PRKCA: variants seen among roughly 807,000 people sequenced by gnomAD.
PRKCA encodes the protein protein kinase C alpha, also known as protein kinase C alpha type.
Under a neutral mutation model 87.0 loss-of-function variants are expected in PRKCA, and 27 were observed. The ratio of observed to expected loss-of-function variants is 0.31; its 90% CI spans 0.23 to 0.43. PRKCA has a LOEUF of 0.43. PRKCA is among the 20% of genes least tolerant of loss of function. The pLI is 1.00. For missense variants in PRKCA, 518 were observed against 852.3 expected, an observed-to-expected ratio of 0.61 and a Z score of 4.88; for synonymous variants, 329 against 311.1, an observed-to-expected ratio of 1.06 and a Z score of -0.61.
At chr17:66,594,620 T>TA (rs397837843) in intron 3 of PRKCA, among the ~76,000 whole-genome samples, 182 of 152,124 alleles carry the variant, frequency 1.2e-3, no homozygotes, top group African/African-American at 4.2e-3. Flanking sequence ...GGTTTTTTTT[T>TA]AATTTATTTG....
chr17:66,667,313 C>G (rs1055305170), intron 5 of PRKCA, among the ~76,000 whole-genome samples: 4 of 152,156 alleles, frequency 2.6e-5, no homozygotes, highest in Non-Finnish European at 5.9e-5. Context: ...CGTTCTTACA[C>G]TGCTAATAAA....
rs1974179718 is a variant in PRKCA at position 66,742,512 on chromosome 17, A to G, written c.1386-110A>G. On this transcript the variant is annotated intron_variant, in intron 12 of 16. Coordinates refer to ENST00000413366, the MANE Select transcript of PRKCA (RefSeq NM_002737.3). ...ACTACAGTCCAGGGACTTATAGTTAATATTGCCATTGAGCTGACAGGTATT... is the reference window on the plus strand; with the variant it reads ...ACTACAGTCCAGGGACTTATAGTTAGTATTGCCATTGAGCTGACAGGTATT... 7 of 1,131,444 alleles carry G rather than the reference A, an allele frequency of 6.2e-6. No homozygotes were observed. The South Asian group carries it at 1.0e-4, about 16-fold the overall frequency. The allele number at this position is 1,131,444 out of a possible 1,614,324, so 70.1% of individuals were successfully genotyped here.
chr17:66,304,840 C>T (rs1297080760), intron 1 of PRKCA, among the ~76,000 whole-genome samples: 3 of 148,570 alleles, frequency 2.0e-5, no homozygotes, highest in Non-Finnish European at 4.4e-5. Flanking sequence ...ATAAAAATTT[C>T]GGAGCATCAG....
chr17:66,746,660 C>T (rs975167312), intron 13 of PRKCA, among the ~76,000 whole-genome samples: 6 of 152,138 alleles, frequency 3.9e-5, no homozygotes, highest in South Asian at 2.1e-4. Flanking sequence ...GCAGCGAAGC[C>T]GAGCTGAGGC....
intron 3 of PRKCA, among the ~76,000 whole-genome samples, chr17:66,507,244 C>T (rs967701453): frequency 7.9e-5 from 12 of 152,168 alleles, no homozygotes; most frequent in African/African-American, 2.9e-4. Context: ...CATAAATGCA[C>T]TAGGTATGCA....
chr17:66,475,542 C>T (rs1915502500), intron 2 of PRKCA, among the ~76,000 whole-genome samples: 2 of 152,120 alleles, frequency 1.3e-5, no homozygotes, highest in South Asian at 4.1e-4. Context: ...TGTGTACTGT[C>T]TTTCCCAGCT....
chr17:66,541,016 T>TCCC (rs1368648809), intron 3 of PRKCA, among the ~76,000 whole-genome samples: 1 of 152,160 alleles, frequency 6.6e-6, no homozygotes, highest in East Asian at 1.9e-4. Flanking sequence ...GAAGTGGCTG[T>TCCC]TACTAGCTGT....
At chr17:66,527,192 C>T (rs1009360761) in intron 3 of PRKCA, among the ~76,000 whole-genome samples, 32 of 152,160 alleles carry the variant, frequency 2.1e-4, no homozygotes, top group East Asian at 1.9e-4. Flanking sequence ...CTATAATCTC[C>T]GCCTCTCTAC....
intron 3 of PRKCA, among the ~76,000 whole-genome samples, chr17:66,572,619 C>T (rs1421591319): frequency 6.6e-6 from 1 of 152,194 alleles, no homozygotes; most frequent in Non-Finnish European, 1.5e-5. Flanking sequence ...CCCACCTCAG[C>T]CTCCCAACTA....
rs547406865 is a variant in PRKCA, at chr17:66,422,891, G to A, written c.206-73310G>A. On this transcript the variant is annotated intron_variant, in intron 2 of 16. Coordinates refer to ENST00000413366, the MANE Select transcript of PRKCA (RefSeq NM_002737.3). ...TTTGGGAGGCTGAGGCAGGTGGATC[G>A]CCTGAGGTCAGGAGTTCGAGACCAG... Among the ~76,000 whole-genome samples the A allele has an allele frequency of 2.2e-3, 342 of 152,084 alleles. 1 individual carries two copies. The highest frequency in any genetic ancestry group is 7.8e-3 in the African/African-American group (323 of 41,514).
intron 13 of PRKCA, among the ~76,000 whole-genome samples, chr17:66,765,418 CTA>C (rs58356468): frequency 0.06 from 2,968 of 49,230 alleles, 65 homozygotes; most frequent in East Asian, 0.11. Flanking sequence ...AAGACTTTGT[CTA>C]TATATATATA....
chr17:66,651,695 A>G (rs1971594195), intron 5 of PRKCA, among the ~76,000 whole-genome samples: 1 of 152,158 alleles, frequency 6.6e-6, no homozygotes, highest in Non-Finnish European at 1.5e-5. Flanking sequence ...GATGCAGCAG[A>G]TGTATCTGCT....
chr17:66,718,813 G>A (rs1973540012), intron 8 of PRKCA, among the ~76,000 whole-genome samples: 1 of 152,210 alleles, frequency 6.6e-6, no homozygotes, highest in South Asian at 2.1e-4. Flanking sequence ...TGGAAGAAAA[G>A]ATGTGTTTTT....
intron 3 of PRKCA, among the ~76,000 whole-genome samples, chr17:66,511,110 C>T (rs1315977956): frequency 6.6e-6 from 1 of 152,122 alleles, no homozygotes; most frequent in African/African-American, 2.4e-5. Context: ...TTTAGGAAAG[C>T]AGTACGCCTA....
chr17:66,567,014 T>C (rs937646768), intron 3 of PRKCA, among the ~76,000 whole-genome samples: 2 of 152,176 alleles, frequency 1.3e-5, no homozygotes, highest in African/African-American at 2.4e-5. Flanking sequence ...GAAAATACAA[T>C]TGTCACATTA....
intron 5 of PRKCA, among the ~76,000 whole-genome samples, chr17:66,649,775 G>C (rs1200763480): frequency 2.0e-5 from 3 of 152,156 alleles, no homozygotes; most frequent in Non-Finnish European, 4.4e-5. Flanking sequence ...AGTAACACAA[G>C]AAGAGAACAA....
Position 66,510,340 on chromosome 17 carries a change from T to A in PRKCA, c.288+14057T>A, listed in dbSNP as rs1226036977. 3.3e-5 allele frequency among the ~76,000 whole-genome samples: 5 copies of A among 152,200 alleles called. No homozygotes were observed. The East Asian group carries it at 9.6e-4, about 29-fold the overall frequency. On this transcript the variant is annotated intron_variant, in intron 3 of 16. Transcript: ENST00000413366. Reference sequence around the variant, plus strand: ...GCTTGAAGTTTAAGCCTAACGAAATTATGCAAGATGCCCACTGAACTGTGC... The same window carrying A: ...GCTTGAAGTTTAAGCCTAACGAAATAATGCAAGATGCCCACTGAACTGTGC...
intron 5 of PRKCA, among the ~76,000 whole-genome samples, chr17:66,648,352 A>G (rs1246354371): frequency 6.6e-6 from 1 of 152,254 alleles, no homozygotes; most frequent in African/African-American, 2.4e-5. Context: ...CTTCCTCCAC[A>G]GGACCGCTTT....
chr17:66,718,997 G>A (rs1973546458), intron 8 of PRKCA, among the ~76,000 whole-genome samples: 1 of 152,160 alleles, frequency 6.6e-6, no homozygotes, highest in South Asian at 2.1e-4. Flanking sequence ...ACTATTCATG[G>A]TGAGATTAAA....
Sources: allele counts gnomAD v4.1 joint callset (sites outside exome capture counted in the v4.1 genomes callset), GRCh38; gene constraint gnomAD v4.1.1; transcripts MANE v1.5; gene names NCBI Gene and HGNC (gene_info 2026-07-23, HGNC 2026-07-21).